SFMBT1: variants seen among roughly 807,000 people sequenced by gnomAD.
SFMBT1 encodes the protein Scm like with four mbt domains 1, also known as scm-like with four MBT domains protein 1.
Under a neutral mutation model 108.7 loss-of-function variants are expected in SFMBT1, and 32 were observed. The ratio of observed to expected loss-of-function variants is 0.29; its 90% CI spans 0.22 to 0.40. The LOEUF (loss-of-function observed/expected upper bound fraction) is 0.40, where lower values mean the gene tolerates loss of function less well. SFMBT1 is among the 10% of genes least tolerant of loss of function. The probability of loss-of-function intolerance (pLI) is 1.00; values close to 1 mark genes in which losing one functional copy is unlikely to be tolerated. For missense variants in SFMBT1, 816 were observed against 1,059.6 expected (o/e 0.77, Z 3.19); for synonymous variants, 348 against 369.5 (o/e 0.94, Z 0.67).
Position 52,928,617 on chromosome 3 carries a change from TAC to T in SFMBT1, c.898-278_898-277del, listed in dbSNP as rs1196803411. On this transcript the variant is annotated intron_variant, in intron 8 of 20. Coordinates refer to ENST00000394752, the MANE Select transcript of SFMBT1 (RefSeq NM_016329.4). Reference sequence around the variant, plus strand: ...ATATATATACATATATACATATATATACATATATACATATATATACATATATA... The same window carrying T: ...ATATATATACATATATACATATATATATATATACATATATATACATATATA... The T allele has an allele frequency of 3.5e-4, 15 of 43,088 alleles. 1 individual carries two copies. The highest frequency in any genetic ancestry group is 3.7e-3 in the South Asian group (2 of 546). 2.7% of individuals were successfully genotyped at this position (43,088 alleles called of 1,614,324 possible).
intron 1 of SFMBT1, among the ~76,000 whole-genome samples, chr3:53,034,317 G>A (rs1158135057): frequency 2.0e-5 from 3 of 152,118 alleles, no homozygotes; most frequent in African/African-American, 7.2e-5. Context: ...TAGCTCATGC[G>A]TATAATCCCA....
intron 8 of SFMBT1, among the ~76,000 whole-genome samples, chr3:52,929,640 T>C (rs1200075760): frequency 6.6e-6 from 1 of 152,194 alleles, no homozygotes; most frequent in Admixed American, 6.5e-5. Flanking sequence ...AATCCCTCCT[T>C]GCTTTGAGAA....
intron 8 of SFMBT1, 39 bp downstream of exon 8, chr3:52,930,290 T>C: frequency 7.9e-7 from 1 of 1,268,880 alleles, no homozygotes; most frequent in Middle Eastern, 1.9e-4. Flanking sequence ...CCAGTCACCT[T>C]GACAGGGATT....
In SFMBT1 at chr3:52,917,217, T is replaced by C. The variant is rs573594078; in HGVS notation, c.1416-1003A>G. ...ATAGTTACAAAGGTTTAGGTAGTTA[T>C]AGAATTTGCTATATACAGAATTGTT... is the stretch of plus-strand genomic sequence containing the variant. On this transcript the variant is annotated intron_variant, in intron 13 of 20. Transcript: ENST00000394752. 2.1e-3 allele frequency among the ~76,000 whole-genome samples: 326 copies of C among 152,362 alleles called. 3 individuals are homozygous for C. The highest frequency in any genetic ancestry group is 7.6e-3 in the African/African-American group (318 of 41,578).
chr3:52,932,032 A>G, intron 6 of SFMBT1, 30 bp downstream of exon 6: 1 of 1,600,682 alleles, frequency 6.2e-7, no homozygotes, highest in South Asian at 1.1e-5. Flanking sequence ...TGTTAATGTC[A>G]CAGAAGAAAA....
At chr3:53,019,090 G>C (rs1699216560) in intron 1 of SFMBT1, 1 of 152,232 alleles carries the variant, frequency 6.6e-6, no homozygotes, top group African/African-American at 2.4e-5. Context: ...AGGAGCTTGA[G>C]ACCAGCCTGG....
chr3:52,960,643 C>G (rs1407425175), intron 2 of SFMBT1, among the ~76,000 whole-genome samples: 2 of 152,112 alleles, frequency 1.3e-5, no homozygotes, highest in Non-Finnish European at 2.9e-5. Flanking sequence ...ATCTCTCTAT[C>G]TATCTATGCA....
At chr3:53,027,528 A>G (rs1699535087) in intron 1 of SFMBT1, among the ~76,000 whole-genome samples, 1 of 152,196 alleles carries the variant, frequency 6.6e-6, no homozygotes, top group African/African-American at 2.4e-5. Context: ...TAATGAGAAA[A>G]TTCAACTTTT....
chr3:52,951,150 C>A (rs963959353), intron 3 of SFMBT1, among the ~76,000 whole-genome samples: 37 of 98,654 alleles, frequency 3.8e-4, no homozygotes, highest in South Asian at 2.7e-3. Flanking sequence ...CCAAGGTTTT[C>A]TTTTACATTT....
At chr3:52,928,388 ATG>A (rs1702725122) in intron 8 of SFMBT1, 47 bp from the exon 9 acceptor site, 11 of 1,578,602 alleles carry the variant, frequency 7.0e-6, no homozygotes, top group Non-Finnish European at 9.5e-6. Context: ...ACACATATAT[ATG>A]TGCTTTCTCC....
intron 13 of SFMBT1, 142 bp from the exon 14 acceptor site, chr3:52,916,356 CTTTTTTTT>C (rs71087030): frequency 5.5e-5 from 19 of 346,100 alleles, no homozygotes; most frequent in African/African-American, 2.1e-4. Flanking sequence ...CTTGATGATA[CTTTTTTTT>C]TTTTTTTTTT....
chr3:53,020,271 C>T, intron 1 of SFMBT1, among the ~76,000 whole-genome samples: 1 of 152,058 alleles, frequency 6.6e-6, no homozygotes, highest in East Asian at 1.9e-4. Context: ...TGCCTGTAAT[C>T]CCAGCTACTC....
At chr3:53,027,864 T>A (rs560613549) in intron 1 of SFMBT1, among the ~76,000 whole-genome samples, 5 of 152,290 alleles carry the variant, frequency 3.3e-5, no homozygotes, top group African/African-American at 9.6e-5. Context: ...ATGCTGGAGG[T>A]TGCAAATTTT....
At chr3:52,929,661 C>G (rs1447747103) in intron 8 of SFMBT1, among the ~76,000 whole-genome samples, 1 of 152,206 alleles carries the variant, frequency 6.6e-6, no homozygotes, top group East Asian at 1.9e-4. Context: ...TAATCTTCTT[C>G]CAAGACAGGG....
intron 1 of SFMBT1, among the ~76,000 whole-genome samples, chr3:53,035,050 G>A (rs529250235): frequency 3.9e-5 from 6 of 152,342 alleles, no homozygotes; most frequent in East Asian, 3.9e-4. Context: ...CACCCTAAGC[G>A]GATGGAACAT....
At chr3:52,912,888 G>T (rs534350281) in intron 15 of SFMBT1, among the ~76,000 whole-genome samples, 1 of 152,254 alleles carries the variant, frequency 6.6e-6, no homozygotes, top group South Asian at 2.1e-4. Flanking sequence ...AAAAAAACAG[G>T]TACCATGATT....
At chr3:52,977,304 T>C (rs1704550486) in intron 1 of SFMBT1, among the ~76,000 whole-genome samples, 1 of 151,536 alleles carries the variant, frequency 6.6e-6, no homozygotes, top group African/African-American at 2.4e-5. Flanking sequence ...AGGTCAGGAG[T>C]TCGAGACCAG....
chr3:52,932,232 A>G lies in SFMBT1; in HGVS notation c.530T>C (p.Leu177Ser), dbSNP rs1702881867. The G allele has an allele frequency of 3.7e-6, 6 of 1,614,210 alleles. No homozygotes were observed. In the East Asian group the frequency reaches 1.3e-4, roughly 36 times the overall value. Reference protein sequence around the residue: ...RLECQAFQDSLSTWIVTVVEN... With the variant: ...RLECQAFQDSSSTWIVTVVEN... ...TACTACAGTAACAATCCAAGTGCTT[A>G]AAGAGTCCTGGAAAGCTTGACATTC... The change falls in exon 6 of 21, where the codon TTA (leucine) becomes TCA (serine). Residue 177 changes from leucine (L) to serine (S), a missense_variant. By Grantham distance (145) the Leu-to-Ser change is moderately radical. This residue lies in a region of SFMBT1 where 495 missense variants were observed against 607.4 expected (regional missense o/e 0.81). Coordinates refer to ENST00000394752, the MANE Select transcript of SFMBT1 (RefSeq NM_016329.4).
chr3:52,953,431 C>G (rs1703660464), intron 3 of SFMBT1, among the ~76,000 whole-genome samples: 1 of 115,470 alleles, frequency 8.7e-6, no homozygotes, highest in Non-Finnish European at 2.0e-5. Context: ...GACACTGACC[C>G]CCTACCCCCC....
Sources: allele counts gnomAD v4.1 joint callset (sites outside exome capture counted in the v4.1 genomes callset), GRCh38; gene constraint gnomAD v4.1.1; regional missense constraint gnomAD v4.1.1; transcripts MANE v1.5; gene names NCBI Gene and HGNC (gene_info 2026-07-23, HGNC 2026-07-21).